Variants in HHIP observed in about 807,000 individuals in gnomAD.
HHIP encodes the protein hedgehog-interacting protein.
A neutral mutation model predicts 74.0 loss-of-function variants in HHIP; 12 were observed. The observed-to-expected ratio is 0.16, with a 90% CI of 0.10 to 0.26. HHIP has a LOEUF of 0.26. Among genes scored for constraint, HHIP ranks in the 10% least tolerant of loss-of-function variants. HHIP has a pLI of 1.00. For missense variants in HHIP, 788 were observed against 845.0 expected (o/e 0.93, Z 0.84); for synonymous variants, 309 against 311.6 (o/e 0.99, Z 0.09).
intron 5 of HHIP, among the ~76,000 whole-genome samples, 154 bp downstream of exon 5, chr4:144,706,836 C>A (rs1730163576): frequency 6.6e-6 from 1 of 152,154 alleles, no homozygotes; most frequent in Non-Finnish European, 1.5e-5. Flanking sequence ...CCATATGTGT[C>A]TTTAAGAGAA....
intron 4 of HHIP, among the ~76,000 whole-genome samples, chr4:144,701,323 CTT>C (rs56360210): frequency 6.9e-6 from 1 of 144,326 alleles, no homozygotes. Flanking sequence ...CTGTTTTTTT[CTT>C]TTTTTTTTTT....
At position 144,737,989 on chromosome 4, in the gene HHIP, T is replaced by C. The variant is rs1471434132; in HGVS notation, c.*32T>C. ...GGACTGTTTGAATATTCTATTCCAA[T>C]GGGCATTTATTTTTTATCCTGTCAT... On this transcript the variant is annotated 3_prime_UTR_variant, in exon 13 of 13. Coordinates refer to ENST00000296575, the MANE Select transcript of HHIP (RefSeq NM_022475.3). The C allele has an allele frequency of 1.0e-5, 15 of 1,456,686 alleles. No individual in the cohort carries two copies. Among genetic ancestry groups the C allele is most frequent in the South Asian group, 3.0e-5 (2 of 65,864 alleles). 90.2% of individuals were successfully genotyped at this position (1,456,686 alleles called of 1,614,324 possible). A position where few individuals can be genotyped will look rare whatever the true frequency, so the allele number is the denominator to read the frequency against.
chr4:144,703,790 C>T (rs1430813327), intron 4 of HHIP, among the ~76,000 whole-genome samples: 1 of 152,170 alleles, frequency 6.6e-6, no homozygotes, highest in Non-Finnish European at 1.5e-5. Context: ...AAGACTACAG[C>T]TGAAGCAACC....
At chr4:144,726,761 A>T (rs1478242183) in intron 11 of HHIP, among the ~76,000 whole-genome samples, 1 of 152,190 alleles carries the variant, frequency 6.6e-6, no homozygotes, top group East Asian at 1.9e-4. Context: ...AAGCAGAAAA[A>T]GCCTTCTCAA....
At chr4:144,677,840 T>C (rs1477313228) in intron 4 of HHIP, among the ~76,000 whole-genome samples, 1 of 152,156 alleles carries the variant, frequency 6.6e-6, no homozygotes, top group Non-Finnish European at 1.5e-5. Flanking sequence ...AATTAGATGG[T>C]ATTTTCTTAA....
At position 144,739,970 on chromosome 4, in the gene HHIP, C is replaced by T. The variant is rs1261688530; in HGVS notation, c.*2013C>T. 2 of 152,046 alleles carry T rather than the reference C, an allele frequency of 1.3e-5. No individual in the cohort carries two copies. Among genetic ancestry groups the T allele is most frequent in the Admixed American group, 1.3e-4 (2 of 15,258 alleles). 9.4% of individuals were successfully genotyped at this position (152,046 alleles called of 1,614,324 possible). ...ATAGCCCTTTTACTGAATTCCATCA[C>T]AGAAAGTTTTACAATTAAAAAAAAA... On this transcript the variant is annotated 3_prime_UTR_variant, in exon 13 of 13. Transcript: ENST00000296575.
intron 4 of HHIP, among the ~76,000 whole-genome samples, chr4:144,665,707 G>T (rs959204301): frequency 3.3e-5 from 5 of 152,254 alleles, no homozygotes; most frequent in Middle Eastern, 3.4e-3. Context: ...AAGTATAAGT[G>T]TGCATTTATG....
At chr4:144,721,929 G>A (rs1037603567) in intron 11 of HHIP, among the ~76,000 whole-genome samples, 3 of 149,654 alleles carry the variant, frequency 2.0e-5, no homozygotes, top group African/African-American at 4.9e-5. Flanking sequence ...CAACTTCCGA[G>A]GAAACAGAAA....
intron 4 of HHIP, among the ~76,000 whole-genome samples, chr4:144,679,429 T>C (rs1396716778): frequency 6.6e-6 from 1 of 152,204 alleles, no homozygotes; most frequent in Non-Finnish European, 1.5e-5. Flanking sequence ...TTGCTTTTGG[T>C]GTTTCAGTCA....
chr4:144,660,618 T>G (rs979586957), intron 4 of HHIP, among the ~76,000 whole-genome samples: 8 of 152,060 alleles, frequency 5.3e-5, no homozygotes, highest in Non-Finnish European at 1.0e-4. Context: ...ATTTATAGTC[T>G]TCTACTCACA....
chr4:144,711,813 T>C, intron 7 of HHIP, 137 bp from the exon 8 acceptor site: 1 of 707,036 alleles, frequency 1.4e-6, no homozygotes, highest in Non-Finnish European at 2.3e-6. Flanking sequence ...CCTTCAGTGC[T>C]TTCTAGAAGA....
At chr4:144,726,225 C>T (rs901953983) in intron 11 of HHIP, among the ~76,000 whole-genome samples, 1 of 151,974 alleles carries the variant, frequency 6.6e-6, no homozygotes, top group Non-Finnish European at 1.5e-5. Flanking sequence ...TTTATTATAA[C>T]CTAATTATTT....
At chr4:144,678,689 A>C (rs1729241063) in intron 4 of HHIP, among the ~76,000 whole-genome samples, 1 of 152,112 alleles carries the variant, frequency 6.6e-6, no homozygotes. Flanking sequence ...GATGGTTTCC[A>C]GCTTCATCCA....
chr4:144,708,385 A>T lies in HHIP; in HGVS notation c.1301+74A>T, dbSNP rs934439665. 14 of 1,487,538 alleles carry T rather than the reference A, an allele frequency of 9.4e-6. No individual in the cohort carries two copies. In the South Asian group the frequency reaches 1.4e-4, roughly 15 times the overall value. 92.1% of individuals were successfully genotyped at this position (1,487,538 alleles called of 1,614,324 possible). A position where few individuals can be genotyped will look rare whatever the true frequency, so the allele number is the denominator to read the frequency against. ...TCCGAGAACTGGGAAAATATAGCAT[A>T]GAGCATATACCATCACAGAGCAGCC... On this transcript the variant is annotated intron_variant, in intron 7 of 12. Transcript: ENST00000296575.
intron 4 of HHIP, among the ~76,000 whole-genome samples, chr4:144,696,862 C>T (rs1729834144): frequency 6.6e-6 from 1 of 151,972 alleles, no homozygotes; most frequent in Non-Finnish European, 1.5e-5. Context: ...GAGGTAGAGT[C>T]AGTACCTCCA....
intron 11 of HHIP, among the ~76,000 whole-genome samples, chr4:144,723,058 GAACTTA>G (rs1393788342): frequency 6.6e-6 from 1 of 151,984 alleles, no homozygotes; most frequent in Non-Finnish European, 1.5e-5. Flanking sequence ...TGTTTCAGAT[GAACTTA>G]AACCAAATGA....
At chr4:144,701,703 A>C (rs1729989740) in intron 4 of HHIP, among the ~76,000 whole-genome samples, 1 of 152,200 alleles carries the variant, frequency 6.6e-6, no homozygotes, top group Admixed American at 6.5e-5. Flanking sequence ...GTAACAACTA[A>C]TGTCTTGAAC....
intron 4 of HHIP, among the ~76,000 whole-genome samples, chr4:144,698,610 C>T (rs1306086330): frequency 1.3e-5 from 2 of 152,088 alleles, no homozygotes; most frequent in Non-Finnish European, 2.9e-5. Context: ...AAAAGTTGAG[C>T]ATCAGCATTC....
chr4:144,646,854 A>G lies in HHIP; in HGVS notation c.179A>G (p.Glu60Gly), dbSNP rs1323914529. The G allele has an allele frequency of 1.9e-6, 3 of 1,614,178 alleles. No homozygotes were observed. Among genetic ancestry groups the G allele is most frequent in the Non-Finnish European group, 1.7e-6 (2 of 1,180,032 alleles). Residue 60 changes from glutamate to glycine, a missense_variant, in exon 1 of 13, where the codon GAG (glutamate) becomes GGG (glycine). By Grantham distance (98) the Glu-to-Gly change is moderately conservative. Coordinates refer to ENST00000296575, the MANE Select transcript of HHIP (RefSeq NM_022475.3). ...RRDRRMMSQLELLSGGEMLCG... is the reference protein window; with the variant it reads ...RRDRRMMSQLGLLSGGEMLCG... ...GACAGGAGGATGATGTCCCAGCTGG[A>G]GCTGCTGAGTGGGGGAGAGATGCTG...
Sources: allele counts gnomAD v4.1 joint callset (sites outside exome capture counted in the v4.1 genomes callset), GRCh38; gene constraint gnomAD v4.1.1; transcripts MANE v1.5; gene names NCBI Gene and HGNC (gene_info 2026-07-23, HGNC 2026-07-21).